NR1H4: variants seen among roughly 807,000 people sequenced by gnomAD.
NR1H4 encodes the protein bile acid receptor.
Under a neutral mutation model 58.5 loss-of-function variants are expected in NR1H4, and 23 were observed. That is an observed-to-expected ratio of 0.39 (90% CI 0.28 to 0.56). The LOEUF is 0.56. Ranked by LOEUF, NR1H4 falls within the 20% of genes least tolerant of loss-of-function variation. The pLI is 0.58. For synonymous variants in NR1H4, 214 were observed against 198.0 expected (o/e 1.08, Z -0.68); for missense variants, 487 against 576.9 (o/e 0.84, Z 1.60).
chr12:100,506,002 A>G (rs1441646505), intron 3 of NR1H4, among the ~76,000 whole-genome samples: 3 of 141,028 alleles, frequency 2.1e-5, no homozygotes, highest in African/African-American at 5.4e-5. Flanking sequence ...AAGTGTTTAT[A>G]ACACACACAC....
At chr12:100,476,577 T>C (rs1287855512) in intron 1 of NR1H4, among the ~76,000 whole-genome samples, 1 of 152,226 alleles carries the variant, frequency 6.6e-6, no homozygotes, top group Non-Finnish European at 1.5e-5. Flanking sequence ...CATGATGTGA[T>C]AGATTTTCAA....
In NR1H4 at chr12:100,521,709, T is replaced by C. The variant is rs533026919; in HGVS notation, c.445+10566T>C. Among the ~76,000 whole-genome samples the C allele has an allele frequency of 3.9e-5, 6 of 152,292 alleles. No individual in the cohort carries two copies. In the South Asian group the frequency reaches 1.2e-3, roughly 32 times the overall value. Reference sequence around the variant, plus strand: ...AAGCTTCCAAAAGTATTGAAACTATTCCAGTATAGAATAGATGTAGTGTTT... The same window carrying C: ...AAGCTTCCAAAAGTATTGAAACTATCCCAGTATAGAATAGATGTAGTGTTT... On this transcript the variant is annotated intron_variant, in intron 4 of 10. Transcript: ENST00000392986.
chr12:100,493,720 C>T (rs2136105097), intron 3 of NR1H4, among the ~76,000 whole-genome samples: 1 of 152,282 alleles, frequency 6.6e-6, no homozygotes, highest in South Asian at 2.1e-4. Context: ...ATTATTATAG[C>T]AGGTACTAAA....
intron 3 of NR1H4, among the ~76,000 whole-genome samples, chr12:100,498,039 A>T (rs1953753066): frequency 6.6e-6 from 1 of 152,210 alleles, no homozygotes; most frequent in Admixed American, 6.5e-5. Flanking sequence ...GGAATAAAAT[A>T]GCGGGAAATG....
chr12:100,508,308 C>T (rs753817683), intron 3 of NR1H4, among the ~76,000 whole-genome samples: 20 of 151,876 alleles, frequency 1.3e-4, no homozygotes, highest in Non-Finnish European at 2.4e-4. Flanking sequence ...CAGAGATGTC[C>T]GAACATGCAA....
intron 3 of NR1H4, among the ~76,000 whole-genome samples, chr12:100,498,783 G>T (rs1953770783): frequency 6.6e-6 from 1 of 152,040 alleles, no homozygotes; most frequent in Non-Finnish European, 1.5e-5. Flanking sequence ...TCTTTCCGGA[G>T]CCCCATTCTG....
intron 1 of NR1H4, among the ~76,000 whole-genome samples, chr12:100,492,043 GA>G (rs1256822844): frequency 5.3e-5 from 8 of 152,144 alleles, no homozygotes; most frequent in African/African-American, 1.9e-4. Flanking sequence ...AATTAAGCTT[GA>G]TATCATGGAT....
At position 100,534,897 on chromosome 12, in the gene NR1H4, A is replaced by C; in HGVS notation, c.606A>C (p.Leu202Phe). ...TATGCTTATTTGTTTTAGGCTTGTTAACTGAAATTCAGTGTAAATCTAAGC... is the reference window on the plus strand; with the variant it reads ...TATGCTTATTTGTTTTAGGCTTGTTCACTGAAATTCAGTGTAAATCTAAGC... The part of the protein sequence containing the change: ...MLAECMYTGL[L>F]TEIQCKSKRL... Residue 202 changes from leucine to phenylalanine, a missense_variant, in exon 6 of 11, where the codon TTA (leucine) becomes TTC (phenylalanine). Physicochemically the swap from Leu to Phe is conservative, Grantham distance 22. Transcript: ENST00000392986. 6.2e-7 allele frequency: 1 copy of C among 1,614,216 alleles called. No individual in the cohort carries two copies. The highest frequency in any genetic ancestry group is 8.5e-7 in the Non-Finnish European group (1 of 1,180,032).
At chr12:100,474,874 A>G (rs1048560578) in intron 1 of NR1H4, among the ~76,000 whole-genome samples, 6 of 152,170 alleles carry the variant, frequency 3.9e-5, no homozygotes, top group Non-Finnish European at 8.8e-5. Context: ...CTATAAAGAA[A>G]TCTGATGCTG....
rs557587985 is a variant in NR1H4 at position 100,502,944 on chromosome 12, C to T, written c.80-7834C>T. On this transcript the variant is annotated intron_variant, in intron 3 of 10. Transcript: ENST00000392986. Reference sequence around the variant, plus strand: ...TGATTCAATTATCTCCTACAGGATCCGTCCCACAACACGTGGGGATTATGG... The same window carrying T: ...TGATTCAATTATCTCCTACAGGATCTGTCCCACAACACGTGGGGATTATGG... Among the ~76,000 whole-genome samples the T allele has an allele frequency of 1.4e-4, 21 of 152,246 alleles. No homozygotes were observed. In the South Asian group the frequency reaches 3.9e-3, roughly 29 times the overall value.
At chr12:100,489,409 A>G (rs753537844) in intron 1 of NR1H4, among the ~76,000 whole-genome samples, 8 of 152,190 alleles carry the variant, frequency 5.3e-5, no homozygotes, top group Non-Finnish European at 1.2e-4. Flanking sequence ...CAACTCTGCT[A>G]CTGCAGGGAG....
At chr12:100,560,705 T>C (rs2136322812) in intron 9 of NR1H4, among the ~76,000 whole-genome samples, 1 of 152,198 alleles carries the variant, frequency 6.6e-6, no homozygotes, top group East Asian at 1.9e-4. Flanking sequence ...GACACACCAA[T>C]ACGTGGATAG....
rs551852412 is a variant in NR1H4 at position 100,522,562 on chromosome 12, T to C, written c.446-9896T>C. On this transcript the variant is annotated intron_variant, in intron 4 of 10. Coordinates refer to ENST00000392986, the MANE Select transcript of NR1H4 (RefSeq NM_001206979.2). ...TTAAAAAGTTTTTTTTTTTTTAGAT[T>C]TCAATAGCTTTTGGGGGTACAGTCG... Among the ~76,000 whole-genome samples, 207 of 152,250 alleles carry C rather than the reference T, an allele frequency of 1.4e-3. 1 individual carries two copies. The highest frequency in any genetic ancestry group is 6.8e-3 in the Middle Eastern group (2 of 294).
At chr12:100,556,077 CG>C (rs1955315725) in intron 9 of NR1H4, among the ~76,000 whole-genome samples, 1 of 152,090 alleles carries the variant, frequency 6.6e-6, no homozygotes, top group Non-Finnish European at 1.5e-5. Flanking sequence ...GAGAGGAAAA[CG>C]GCAAGGATTT....
chr12:100,520,265 G>A (rs1435527732), intron 4 of NR1H4, among the ~76,000 whole-genome samples: 1 of 152,064 alleles, frequency 6.6e-6, no homozygotes, highest in Non-Finnish European at 1.5e-5. Context: ...ATTGAATCTA[G>A]GCTCTGCACT....
chr12:100,508,747 C>T (rs564513460), intron 3 of NR1H4, among the ~76,000 whole-genome samples: 58 of 152,212 alleles, frequency 3.8e-4, no homozygotes, highest in African/African-American at 1.4e-3. Flanking sequence ...TTATAGTAAT[C>T]GTTTCAACTA....
chr12:100,510,668 AAT>A (rs1178680979), intron 3 of NR1H4, 108 bp from the exon 4 acceptor site: 18 of 891,982 alleles, frequency 2.0e-5, no homozygotes. Flanking sequence ...TATGTAGTTA[AAT>A]GTTTCAATCT....
At chr12:100,560,269 A>T (rs1251720361) in intron 9 of NR1H4, among the ~76,000 whole-genome samples, 1 of 152,218 alleles carries the variant, frequency 6.6e-6, no homozygotes, top group East Asian at 1.9e-4. Flanking sequence ...GAATAAAAGC[A>T]GGCTGCCCGA....
chr12:100,537,123 C>T, intron 8 of NR1H4, 76 bp downstream of exon 8: 2 of 906,670 alleles, frequency 2.2e-6, no homozygotes, highest in South Asian at 1.4e-5. Flanking sequence ...ACCTATTTTA[C>T]ATACGGTGTT....
Sources: gnomAD v4.1 joint callset for allele counts (sites outside exome capture counted in the v4.1 genomes callset) on GRCh38, gnomAD v4.1.1 for gene constraint, MANE v1.5 for transcripts, NCBI Gene and HGNC (gene_info 2026-07-23, HGNC 2026-07-21) for gene names.